The following ABAT variants were observed in gnomAD, a reference collection of about 807,000 sequenced individuals.
The protein encoded by ABAT is 4-aminobutyrate aminotransferase.
In ABAT, 45 loss-of-function variants were observed where a neutral mutation model predicts 64.6. The ratio of observed to expected loss-of-function variants is 0.70; its 90% CI spans 0.55 to 0.89. The LOEUF (loss-of-function observed/expected upper bound fraction) is 0.89, where lower values mean the gene tolerates loss of function less well. ABAT is among the 40% of genes least tolerant of loss of function. The probability of loss-of-function intolerance (pLI) is 0.00; values close to 1 mark genes in which losing one functional copy is unlikely to be tolerated. For missense variants in ABAT, 633 were observed against 658.4 expected, an observed-to-expected ratio of 0.96 and a Z score of 0.42; for synonymous variants, 297 against 250.5, an observed-to-expected ratio of 1.19 and a Z score of -1.75.
intron 1 of ABAT, among the ~76,000 whole-genome samples, chr16:8,734,782 A>T (rs1343453066): frequency 1.3e-5 from 2 of 152,184 alleles, no homozygotes; most frequent in Admixed American, 6.5e-5. Flanking sequence ...TTTTTAGCAG[A>T]AAGATGTACA....
chr16:8,739,123 C>T (rs1359773002), intron 2 of ABAT, among the ~76,000 whole-genome samples: 3 of 152,218 alleles, frequency 2.0e-5, no homozygotes, highest in Non-Finnish European at 4.4e-5. Flanking sequence ...ATGCCAAGTG[C>T]TGTGCTGGGT....
chr16:8,681,386 G>A (rs2057329122), intron 1 of ABAT, among the ~76,000 whole-genome samples: 1 of 151,350 alleles, frequency 6.6e-6, no homozygotes, highest in Admixed American at 6.6e-5. Context: ...ACTATCTTGT[G>A]ATCCTGGGAA....
intron 1 of ABAT, among the ~76,000 whole-genome samples, chr16:8,711,181 C>T (rs1212474067): frequency 6.6e-6 from 1 of 152,202 alleles, no homozygotes; most frequent in Admixed American, 6.6e-5. Context: ...GTATGAATTT[C>T]CTCTCCTGCC....
intron 1 of ABAT, among the ~76,000 whole-genome samples, chr16:8,695,143 G>C (rs887265971): frequency 6.6e-6 from 1 of 152,204 alleles, no homozygotes; most frequent in Non-Finnish European, 1.5e-5. Context: ...CGAGTCTGGA[G>C]AGCCCCAGCT....
chr16:8,710,447 G>C, intron 1 of ABAT, among the ~76,000 whole-genome samples: 1 of 152,044 alleles, frequency 6.6e-6, no homozygotes, highest in South Asian at 2.1e-4. Context: ...AGCCCTTAGA[G>C]AGATGAGAGG....
intron 1 of ABAT, among the ~76,000 whole-genome samples, chr16:8,704,859 A>G (rs1029542198): frequency 1.3e-5 from 2 of 152,022 alleles, no homozygotes. Context: ...AAATTTTTAA[A>G]TTTTTGTACA....
rs2059446720 is a variant in ABAT, at chr16:8,750,447, G to T, written c.224G>T (p.Cys75Phe). The change falls in exon 5 of 16, where the codon TGC becomes TTC. Residue 75 changes from cysteine (C) to phenylalanine (F), a missense_variant. Physicochemically the swap from Cys to Phe is radical, Grantham distance 205 (BLOSUM62 -2). Transcript: ENST00000268251. Reference sequence around the variant, plus strand: ...AATGCAGAGGCTGTGCATTTTTTCTGCAATTACGAAGAGAGCCGAGGCAAT... The same window carrying T: ...AATGCAGAGGCTGTGCATTTTTTCTTCAATTACGAAGAGAGCCGAGGCAAT... ...IQNAEAVHFF[C>F]NYEESRGNYL... The T allele has an allele frequency of 4.3e-6, 7 of 1,614,132 alleles. No individual in the cohort carries two copies. Among genetic ancestry groups the T allele is most frequent in the Non-Finnish European group, 5.9e-6 (7 of 1,180,004 alleles).
At chr16:8,735,289 T>A (rs1365322392) in intron 1 of ABAT, among the ~76,000 whole-genome samples, 2 of 152,040 alleles carry the variant, frequency 1.3e-5, no homozygotes, top group Non-Finnish European at 2.9e-5. Flanking sequence ...TATCACTTTG[T>A]CACCCAGGCT....
chr16:8,751,435 G>A (rs1286374435), intron 5 of ABAT, among the ~76,000 whole-genome samples: 1 of 152,072 alleles, frequency 6.6e-6, no homozygotes, highest in Admixed American at 6.6e-5. Context: ...AGAGCTCTCA[G>A]GAGAAAGGGG....
chr16:8,733,079 C>T (rs1315214551), intron 1 of ABAT, among the ~76,000 whole-genome samples: 5 of 141,674 alleles, frequency 3.5e-5, no homozygotes, highest in African/African-American at 5.9e-5. Flanking sequence ...GGGGGGCTGA[C>T]CCCCCCACCT....
rs115736329 is a variant in ABAT, at chr16:8,763,674, G to A, written c.367-395G>A. ...CCGCCTCGGCCTCCCAAAATGCAGG[G>A]ATTACAGGCGTGAGGCACTGCACTC... is the stretch of plus-strand genomic sequence containing the variant. On this transcript the variant is annotated intron_variant, in intron 6 of 15. Coordinates refer to ENST00000268251, the MANE Select transcript of ABAT (RefSeq NM_020686.6). Among the ~76,000 whole-genome samples the A allele has an allele frequency of 9.7e-3, 1,474 of 152,312 alleles. 22 individuals are homozygous for A. The highest frequency in any genetic ancestry group is 0.034 in the African/African-American group (1,418 of 41,576).
Position 8,764,090 on chromosome 16 carries a change from G to A in ABAT, c.388G>A (p.Ala130Thr). 4 of 1,613,724 alleles carry A rather than the reference G, an allele frequency of 2.5e-6. No individual in the cohort carries two copies. The highest frequency in any genetic ancestry group is 3.4e-6 in the Non-Finnish European group (4 of 1,179,982). Residue 130 changes from alanine to threonine, a missense_variant, in exon 7 of 16, where the codon GCC becomes ACC. Transcript: ENST00000268251. This position sits in a 1 kb window ranked among gnomAD's most constrained non-coding sequence, Gnocchi z 4.2. ...QNASMFVNRP[A>T]LGILPPENFV... ...GCAGAGCATGTTTGTCAACAGACCCGCCCTCGGAATCCTGCCTCCGGAGAA... is the reference window on the plus strand; with the variant it reads ...GCAGAGCATGTTTGTCAACAGACCCACCCTCGGAATCCTGCCTCCGGAGAA...
At chr16:8,724,731 G>GAA (rs1567286719) in intron 1 of ABAT, among the ~76,000 whole-genome samples, 8 of 73,194 alleles carry the variant, frequency 1.1e-4, no homozygotes, top group African/African-American at 3.4e-4. Context: ...CTTGTCTCAG[G>GAA]AAAAAAAAAA....
In ABAT at chr16:8,746,014, T is replaced by G; in HGVS notation, c.84T>G (p.Ile28Met). The change falls in exon 3 of 16, where the codon ATT becomes ATG. Residue 28 changes from isoleucine (I) to methionine (M), a missense_variant. Transcript: ENST00000268251. ...YRLLVPGSRH[I>M]SQAAAKVDVE... ...TGTTTACTGCAGGATCCAGACACAT[T>G]AGTCAAGCTGCAGCCAAAGTCGACG... is the stretch of plus-strand genomic sequence containing the variant. The G allele has an allele frequency of 6.2e-7, 1 of 1,613,990 alleles. No individual in the cohort carries two copies. Among genetic ancestry groups the G allele is most frequent in the Non-Finnish European group, 8.5e-7 (1 of 1,179,928 alleles).
chr16:8,754,666 ATTTATTTC>A (rs1340565777), intron 5 of ABAT, among the ~76,000 whole-genome samples: 61 of 11,644 alleles, frequency 5.2e-3, no homozygotes, highest in African/African-American at 7.6e-3. Context: ...AAGTTGATTT[ATTTATTTC>A]TTTCTTTCTT....
chr16:8,728,583 A>T (rs1032576196), intron 1 of ABAT, among the ~76,000 whole-genome samples: 1 of 152,310 alleles, frequency 6.6e-6, no homozygotes, highest in Admixed American at 6.5e-5. Context: ...AGTTATTAAG[A>T]AAAGAGTTTG....
intron 6 of ABAT, among the ~76,000 whole-genome samples, chr16:8,762,844 C>T (rs1247456311): frequency 1.3e-5 from 2 of 152,116 alleles, no homozygotes; most frequent in African/African-American, 4.8e-5. Flanking sequence ...CAGTGGCTCA[C>T]ACTTGTAATC....
intron 6 of ABAT, among the ~76,000 whole-genome samples, chr16:8,763,077 C>G (rs80260028): frequency 0.04 from 5,858 of 147,800 alleles, 402 homozygotes; most frequent in African/African-American, 0.14. Context: ...CTACTGCACT[C>G]CAACCTGAGA....
intron 1 of ABAT, among the ~76,000 whole-genome samples, chr16:8,701,527 A>G (rs898501265): frequency 2.0e-5 from 3 of 152,198 alleles, no homozygotes; most frequent in Non-Finnish European, 4.4e-5. Context: ...GCTCTTCACT[A>G]TCCGATGTGA....
Sources: allele counts gnomAD v4.1 joint callset (sites outside exome capture counted in the v4.1 genomes callset), GRCh38; gene constraint gnomAD v4.1.1; non-coding constraint Gnocchi (gnomAD v3.1); transcripts MANE v1.5; gene names NCBI Gene and HGNC (gene_info 2026-07-23, HGNC 2026-07-21).